Variants in MARCHF7 observed in about 807,000 individuals in gnomAD.
MARCHF7 encodes E3 ubiquitin-protein ligase MARCHF7.
A neutral mutation model predicts 76.5 loss-of-function variants in MARCHF7; 20 were observed. That is an observed-to-expected ratio of 0.26 (90% CI 0.18 to 0.38). The LOEUF is 0.38. Ranked by LOEUF, MARCHF7 falls within the 10% of genes least tolerant of loss-of-function variation. MARCHF7 has a pLI of 1.00. For synonymous variants in MARCHF7, 295 were observed against 293.0 expected, an observed-to-expected ratio of 1.01 and a Z score of -0.07; for missense variants, 797 against 812.9, an observed-to-expected ratio of 0.98 and a Z score of 0.24.
chr2:159,756,646 C>T (rs1706336555), intron 8 of MARCHF7, among the ~76,000 whole-genome samples: 1 of 145,770 alleles, frequency 6.9e-6, no homozygotes, highest in South Asian at 2.2e-4. Context: ...GAGATCACCC[C>T]ATTGCACTCC....
At chr2:159,741,450 T>C (rs1704116652) in intron 4 of MARCHF7, among the ~76,000 whole-genome samples, 1 of 133,166 alleles carries the variant, frequency 7.5e-6, no homozygotes, top group Non-Finnish European at 1.7e-5. Flanking sequence ...CCCGTGAACT[T>C]CAGTTACCAT....
intron 5 of MARCHF7, among the ~76,000 whole-genome samples, chr2:159,743,631 G>A (rs1333115441): frequency 6.6e-6 from 1 of 152,054 alleles, no homozygotes; most frequent in Admixed American, 6.6e-5. Flanking sequence ...AAACATTGTA[G>A]TACATAATAT....
rs780090799 is a variant in MARCHF7, at chr2:159,743,222, A to C, written c.315A>C (p.Arg105Ser). Residue 105 changes from arginine (R) to serine (S), a missense_variant, in exon 5 of 12, where the codon AGA (arginine) becomes AGC (serine). Arg to Ser is a moderately radical substitution (Grantham distance 110, BLOSUM62 -1). This residue lies in a region of MARCHF7 where 643 missense variants were observed against 631.5 expected (regional missense o/e 1.02). Transcript: ENST00000409175. ...CAAACTGTACTACCTCAGCTGGGAGAAATGTTGGAAATGGTTTAAACACAT... is the reference window on the plus strand; with the variant it reads ...CAAACTGTACTACCTCAGCTGGGAGCAATGTTGGAAATGGTTTAAACACAT... Reference protein sequence around the residue: ...SCTNCTTSAGRNVGNGLNTLS... With the variant: ...SCTNCTTSAGSNVGNGLNTLS... The C allele has an allele frequency of 1.4e-5, 22 of 1,613,826 alleles. No individual in the cohort carries two copies. The highest frequency in any genetic ancestry group is 1.6e-4 in the Middle Eastern group (1 of 6,082).
Position 159,745,796 on chromosome 2 carries a change from C to A in MARCHF7, c.373C>A (p.Pro125Thr), listed in dbSNP as rs1238871434. The A allele has an allele frequency of 1.9e-6, 3 of 1,608,306 alleles. No individual in the cohort carries two copies. The change falls in exon 6 of 12, where the codon CCT becomes ACT. Residue 125 changes from proline to threonine, a missense_variant. Physicochemically the swap from Pro to Thr is conservative, Grantham distance 38 (BLOSUM62 -1). Around this residue, in one of 3 missense-constraint regions of MARCHF7, gnomAD observed 643 missense variants for 631.5 expected, o/e 1.02. Coordinates refer to ENST00000409175, the MANE Select transcript of MARCHF7 (RefSeq NM_001282805.2). ...TTCATCTTGGAGGCATAGTCAAGTT[C>A]CTAGATCTTCATCAATGGTACTTGG... ...SDSSWRHSQV[P>T]RSSSMVLGSF... is the part of the protein sequence containing the mutation.
chr2:159,733,526 C>T (rs1414503502), intron 4 of MARCHF7: 3 of 981,112 alleles, frequency 3.1e-6, no homozygotes, highest in Non-Finnish European at 3.6e-6. Context: ...GCATGAGCTA[C>T]TGCACCTGGC....
At chr2:159,729,776 G>A (rs2125406138) in intron 4 of MARCHF7, among the ~76,000 whole-genome samples, 1 of 152,208 alleles carries the variant, frequency 6.6e-6, no homozygotes. Context: ...CTTTGTCAGA[G>A]GAACAAAAAC....
At position 159,715,703 on chromosome 2, in the gene MARCHF7, AC is replaced by A. The variant is rs1700956862; in HGVS notation, c.-77del. The A allele has an allele frequency of 1.3e-5, 2 of 152,154 alleles. No individual in the cohort carries two copies. Among genetic ancestry groups the A allele is most frequent in the Admixed American group, 1.3e-4 (2 of 15,268 alleles). 9.4% of individuals were successfully genotyped at this position (152,154 alleles called of 1,614,324 possible). On this transcript the variant is annotated 5_prime_UTR_variant, in exon 3 of 12. An upstream open reading frame in the 5' UTR loses its in-frame stop. Transcript: ENST00000409175. ...CAGCTTTCTGCCCTGGCATGAACTT[AC>A]ATGGTCAGAGCTGGTTTTTCCTGCC...
In MARCHF7 at chr2:159,721,158, C is replaced by T. The variant is rs572097293; in HGVS notation, c.-15+5392C>T. Among the ~76,000 whole-genome samples the T allele has an allele frequency of 4.6e-5, 7 of 152,256 alleles. No individual in the cohort carries two copies. In the South Asian group the frequency reaches 1.4e-3, roughly 32 times the overall value. On this transcript the variant is annotated intron_variant, in intron 3 of 11. Transcript: ENST00000409175. ...GGTATTACAGGCATGAGCCACCACA[C>T]TGGGCCTAATACCTTAACTCTTAAT...
At chr2:159,753,360 A>AG (rs1325308435) in intron 8 of MARCHF7, among the ~76,000 whole-genome samples, 1 of 152,000 alleles carries the variant, frequency 6.6e-6, no homozygotes, top group Non-Finnish European at 1.5e-5. Flanking sequence ...TCACGAGGTC[A>AG]GGAGATCGAG....
In MARCHF7 at chr2:159,767,861, G is replaced by T. The variant is rs1707969895; in HGVS notation, c.*519G>T. ...AAATTAAAAAAAGAATGGGGAGAAG[G>T]TTATGAGAAGAGCATTATTAAGTTT... On this transcript the variant is annotated 3_prime_UTR_variant, in exon 12 of 12. Transcript: ENST00000409175. The T allele has an allele frequency of 6.6e-6, 1 of 152,376 alleles. No homozygotes were observed. Among genetic ancestry groups the T allele is most frequent in the Non-Finnish European group, 1.5e-5 (1 of 67,934 alleles). 9.4% of individuals were successfully genotyped at this position (152,376 alleles called of 1,614,324 possible).
intron 10 of MARCHF7, 125 bp downstream of exon 10, chr2:159,763,118 TTAAAAA>T (rs1212142008): frequency 1.4e-5 from 7 of 491,630 alleles, no homozygotes; most frequent in Middle Eastern, 2.9e-4. Context: ...TAAATGTTTC[TTAAAAA>T]TAAAGATACC....
intron 4 of MARCHF7, among the ~76,000 whole-genome samples, chr2:159,730,158 C>T (rs1369172262): frequency 5.9e-5 from 9 of 152,148 alleles, no homozygotes; most frequent in Non-Finnish European, 1.2e-4. Flanking sequence ...ACCTCATTCT[C>T]CTGAGTAGCT....
intron 4 of MARCHF7, 107 bp downstream of exon 4, chr2:159,729,282 T>C: frequency 1.3e-6 from 1 of 742,122 alleles, no homozygotes; most frequent in South Asian, 3.4e-5. Context: ...AGGCATCCTG[T>C]AATCAAAACC....
intron 3 of MARCHF7, among the ~76,000 whole-genome samples, chr2:159,718,000 A>G (rs1419236962): frequency 2.6e-5 from 4 of 152,230 alleles, no homozygotes; most frequent in Non-Finnish European, 4.4e-5. Flanking sequence ...CAAAATTTCT[A>G]CTGAGCTGTT....
At position 159,721,386 on chromosome 2, in the gene MARCHF7, G is replaced by A. The variant is rs56703893; in HGVS notation, c.-15+5620G>A. On this transcript the variant is annotated intron_variant, in intron 3 of 11. Transcript: ENST00000409175. Reference sequence around the variant, plus strand: ...GAGATATAGACAGACTACATAAATTGTTGAATTGGTATGAATACAGGTTTT... The same window carrying A: ...GAGATATAGACAGACTACATAAATTATTGAATTGGTATGAATACAGGTTTT... 3.3e-5 allele frequency among the ~76,000 whole-genome samples: 5 copies of A among 152,262 alleles called. No homozygotes were observed. In the East Asian group the frequency reaches 7.7e-4, roughly 23 times the overall value.
chr2:159,749,737 C>G (rs915190075), intron 7 of MARCHF7, among the ~76,000 whole-genome samples: 92 of 129,494 alleles, frequency 7.1e-4, no homozygotes, highest in African/African-American at 1.9e-3. Context: ...ATGGTTGGGG[C>G]GGGGGGGGCG....
chr2:159,723,005 A>G (rs1035398192), intron 3 of MARCHF7, among the ~76,000 whole-genome samples: 1 of 152,220 alleles, frequency 6.6e-6, no homozygotes, highest in African/African-American at 2.4e-5. Context: ...GTTGTTATAG[A>G]ACTTAATATT....
chr2:159,721,510 A>T lies in MARCHF7; in HGVS notation c.-15+5744A>T, dbSNP rs550365998. The stretch of plus-strand genomic sequence containing the variant: ...TCTTATTAGGTAAACTAGCAGCTGC[A>T]TTATCAGCTTCAGAGAATCTTCATC... On this transcript the variant is annotated intron_variant, in intron 3 of 11. Transcript: ENST00000409175. 1.9e-3 allele frequency among the ~76,000 whole-genome samples: 297 copies of T among 152,348 alleles called. 1 individual carries two copies. The highest frequency in any genetic ancestry group is 3.4e-3 in the Middle Eastern group (1 of 294).
Position 159,769,245 on chromosome 2 carries a change from A to C in MARCHF7, c.*1903A>C, listed in dbSNP as rs1198078445. The C allele has an allele frequency of 2.6e-5, 4 of 152,254 alleles. No individual in the cohort carries two copies. The East Asian group carries it at 7.7e-4, about 29-fold the overall frequency. The allele number at this position is 152,254 out of a possible 1,614,324, so 9.4% of individuals were successfully genotyped here. A position where few individuals can be genotyped will look rare whatever the true frequency, so the allele number is the denominator to read the frequency against. ...CTAGAACCAAGATGTTGAAGAAAGC[A>C]GTTTCTACATTCTGGATGTAGTAAA... On this transcript the variant is annotated 3_prime_UTR_variant, in exon 12 of 12. Coordinates refer to ENST00000409175, the MANE Select transcript of MARCHF7 (RefSeq NM_001282805.2).
Sources: allele counts gnomAD v4.1 joint callset (sites outside exome capture counted in the v4.1 genomes callset), GRCh38; gene constraint gnomAD v4.1.1; regional missense constraint gnomAD v4.1.1; transcripts MANE v1.5; gene names NCBI Gene and HGNC (gene_info 2026-07-23, HGNC 2026-07-21).